The following MGAT4C variants were observed in gnomAD, a reference collection of about 807,000 sequenced individuals.
The protein encoded by MGAT4C is alpha-1,3-mannosyl-glycoprotein 4-beta-N-acetylglucosaminyltransferase C.
MGAT4C carries 19 observed loss-of-function variants against 40.1 expected under a neutral mutation model. The observed-to-expected ratio is 0.47, with a 90% CI of 0.33 to 0.70. The LOEUF (loss-of-function observed/expected upper bound fraction) is 0.70, where lower values mean the gene tolerates loss of function less well. Among genes scored for constraint, MGAT4C ranks in the 30% least tolerant of loss-of-function variants. The pLI, the probability that MGAT4C is intolerant of heterozygous loss-of-function variation, is 0.02. For missense variants in MGAT4C, 491 were observed against 563.2 expected, an observed-to-expected ratio of 0.87 and a Z score of 1.30; for synonymous variants, 181 against 187.1, an observed-to-expected ratio of 0.97 and a Z score of 0.27.
chr12:86,835,575 T>G (rs1406581078), intron 1 of MGAT4C, among the ~76,000 whole-genome samples: 1 of 151,996 alleles, frequency 6.6e-6, no homozygotes, highest in Admixed American at 6.6e-5. Flanking sequence ...TGTCTTGTCT[T>G]CTATTTCCAT....
At chr12:86,749,975 A>G (rs1008324892) in intron 1 of MGAT4C, among the ~76,000 whole-genome samples, 12 of 151,810 alleles carry the variant, frequency 7.9e-5, no homozygotes, top group Admixed American at 1.3e-4. Context: ...AATATCTCGC[A>G]TATGGTTTGA....
chr12:86,276,311 T>C (rs2136112830), intron 4 of MGAT4C, among the ~76,000 whole-genome samples: 1 of 152,264 alleles, frequency 6.6e-6, no homozygotes, highest in African/African-American at 2.4e-5. Context: ...GGTGTCTATA[T>C]TTAACGAGGT....
At chr12:86,223,856 G>A (rs1329258774) in intron 1 of MGAT4C, among the ~76,000 whole-genome samples, 1 of 152,072 alleles carries the variant, frequency 6.6e-6, no homozygotes, top group Non-Finnish European at 1.5e-5. Context: ...AGTGAAATGG[G>A]GCCTTGGCCT....
rs552362981 is a variant in MGAT4C at position 86,012,753 on chromosome 12, A to AAACAACAAC, written c.-6-23210_-6-23202dup. On this transcript the variant is annotated intron_variant, in intron 2 of 4. Coordinates refer to ENST00000611864, the MANE Select transcript of MGAT4C (RefSeq NM_001351288.2). Reference sequence around the variant, plus strand: ...GGCAGCAAGAGAGAAACTCCGTCTCAAACAACAACAACAACAACAACAACA... The same window carrying AAACAACAAC: ...GGCAGCAAGAGAGAAACTCCGTCTCAAACAACAACAACAACAACAACAACAACAACAACA... 2.6e-3 allele frequency among the ~76,000 whole-genome samples: 285 copies of AAACAACAAC among 109,686 alleles called. 5 individuals are homozygous for AAACAACAAC. The highest frequency in any genetic ancestry group is 0.012 in the East Asian group (43 of 3,516). The allele number at this position is 109,686 out of a possible 152,430, so 72.0% of individuals were successfully genotyped here. A position where few individuals can be genotyped will look rare whatever the true frequency, so the allele number is the denominator to read the frequency against.
intron 3 of MGAT4C, among the ~76,000 whole-genome samples, chr12:86,395,133 A>C (rs1219212810): frequency 1.3e-5 from 2 of 152,168 alleles, no homozygotes; most frequent in Non-Finnish European, 2.9e-5. Context: ...AAGGTTAAAA[A>C]GATGGAACAT....
rs929876396 is a variant in MGAT4C at position 86,308,791 on chromosome 12, A to T, written c.-57+25274T>A. Among the ~76,000 whole-genome samples, 2 of 150,472 alleles carry T rather than the reference A, an allele frequency of 1.3e-5. 1 individual carries two copies. The highest frequency in any genetic ancestry group is 5.0e-5 in the African/African-American group (2 of 39,902). On this transcript the variant is annotated intron_variant, in intron 4 of 7. Transcript: ENST00000548651. ...CCACTATGGTTGAGACACTGTGTTAAGTATTTTATATACATTATTTCACTT... is the reference window on the plus strand; with the variant it reads ...CCACTATGGTTGAGACACTGTGTTATGTATTTTATATACATTATTTCACTT...
intron 1 of MGAT4C, among the ~76,000 whole-genome samples, chr12:86,812,738 A>C: frequency 6.6e-6 from 1 of 152,064 alleles, no homozygotes; most frequent in East Asian, 1.9e-4. Flanking sequence ...TCTTAGGGGA[A>C]GAGTCTCAGG....
At chr12:86,167,220 A>T (rs1235296135) in intron 1 of MGAT4C, among the ~76,000 whole-genome samples, 1 of 152,186 alleles carries the variant, frequency 6.6e-6, no homozygotes, top group African/African-American at 2.4e-5. Context: ...CCACTAAGAA[A>T]TGTTTACAAA....
intron 1 of MGAT4C, among the ~76,000 whole-genome samples, chr12:86,784,850 T>A (rs1188847141): frequency 1.3e-5 from 2 of 151,878 alleles, no homozygotes; most frequent in African/African-American, 4.8e-5. Flanking sequence ...AAGGAAAATA[T>A]CAAATGCAGT....
chr12:86,594,253 G>A (rs932785597), intron 2 of MGAT4C, among the ~76,000 whole-genome samples: 2 of 152,114 alleles, frequency 1.3e-5, no homozygotes, highest in South Asian at 2.1e-4. Flanking sequence ...GGGAACTTGA[G>A]GGAAAGGGAA....
At chr12:86,361,059 G>GGCAT (rs1955453705) in intron 3 of MGAT4C, among the ~76,000 whole-genome samples, 1 of 152,128 alleles carries the variant, frequency 6.6e-6, no homozygotes, top group South Asian at 2.1e-4. Context: ...CAAAGCTGGA[G>GGCAT]GCATCATGCT....
chr12:86,068,796 C>T (rs1165143290), intron 1 of MGAT4C, among the ~76,000 whole-genome samples: 2 of 152,088 alleles, frequency 1.3e-5, no homozygotes, highest in Admixed American at 6.6e-5. Flanking sequence ...CTTTGCTGCC[C>T]TGTCCCCTTT....
intron 2 of MGAT4C, among the ~76,000 whole-genome samples, chr12:86,585,055 G>T (rs137886131): frequency 2.8e-3 from 430 of 151,278 alleles, no homozygotes; most frequent in Middle Eastern, 0.01. Flanking sequence ...TTTTATCTCA[G>T]TCTATTATTT....
At chr12:86,222,313 C>T (rs565469594) in intron 1 of MGAT4C, among the ~76,000 whole-genome samples, 5 of 152,170 alleles carry the variant, frequency 3.3e-5, no homozygotes, top group South Asian at 4.1e-4. Context: ...TACAGGCTTT[C>T]GAACTAAACA....
intron 1 of MGAT4C, among the ~76,000 whole-genome samples, chr12:86,204,897 C>A (rs1036044558): frequency 6.6e-6 from 1 of 151,894 alleles, no homozygotes; most frequent in South Asian, 2.1e-4. Context: ...TCAAAGAAAA[C>A]AATGATAATT....
At chr12:86,274,217 A>G (rs1953016125) in intron 4 of MGAT4C, among the ~76,000 whole-genome samples, 1 of 152,152 alleles carries the variant, frequency 6.6e-6, no homozygotes, top group South Asian at 2.1e-4. Flanking sequence ...GTGCTAAACT[A>G]TTAATGAGAA....
At chr12:86,407,931 T>G (rs907120401) in intron 3 of MGAT4C, among the ~76,000 whole-genome samples, 7 of 152,214 alleles carry the variant, frequency 4.6e-5, no homozygotes, top group African/African-American at 1.4e-4. Flanking sequence ...ACAAGAAAGT[T>G]GACAACTTAA....
intron 1 of MGAT4C, among the ~76,000 whole-genome samples, chr12:86,119,876 A>C (rs2135676970): frequency 6.6e-6 from 1 of 152,006 alleles, no homozygotes; most frequent in South Asian, 2.1e-4. Flanking sequence ...TCTTTTTAAT[A>C]ATATATTAAA....
At chr12:86,030,778 T>C (rs1483817063) in intron 2 of MGAT4C, among the ~76,000 whole-genome samples, 1 of 151,616 alleles carries the variant, frequency 6.6e-6, no homozygotes, top group Non-Finnish European at 1.5e-5. Flanking sequence ...CAGAAAAAAA[T>C]GTAAAGATTA....
Sources: allele counts gnomAD v4.1 joint callset (sites outside exome capture counted in the v4.1 genomes callset), GRCh38; gene constraint gnomAD v4.1.1; transcripts MANE v1.5; gene names NCBI Gene and HGNC (gene_info 2026-07-23, HGNC 2026-07-21).